UTP20: variants seen among roughly 807,000 people sequenced by gnomAD.
UTP20 encodes the protein UTP20 small subunit processome component, also known as small subunit processome component 20 homolog.
A neutral mutation model predicts 329.5 loss-of-function variants in UTP20; 164 were observed. That is an observed-to-expected ratio of 0.50 (90% CI 0.44 to 0.57). The LOEUF (loss-of-function observed/expected upper bound fraction) is 0.57. Among genes scored for constraint, UTP20 ranks in the 20% least tolerant of loss-of-function variants. UTP20 has a pLI of 0.00. For missense variants in UTP20, 3,055 were observed against 3,284.2 expected (o/e 0.93, Z 1.71); for synonymous variants, 1,151 against 1,159.3 (o/e 0.99, Z 0.14).
Position 101,291,788 on chromosome 12 carries a change from G to A in UTP20, c.938G>A (p.Cys313Tyr). 6.2e-7 allele frequency: 1 copy of A among 1,607,028 alleles called. No individual in the cohort carries two copies. Among genetic ancestry groups the A allele is most frequent in the Non-Finnish European group, 8.5e-7 (1 of 1,177,730 alleles). Reference sequence around the variant, plus strand: ...ACAAAAGTAACAAAAACTAACTGTTGTGAAAGTTCTGAACAGATTAAAAGG... The same window carrying A: ...ACAAAAGTAACAAAAACTAACTGTTATGAAAGTTCTGAACAGATTAAAAGG... ...LHTKVTKTNC[C>Y]ESSEQIKRLL... Residue 313 changes from cysteine to tyrosine, a missense_variant, in exon 9 of 62, where the codon TGT becomes TAT. Transcript: ENST00000261637.
chr12:101,336,012 T>C (rs1047634274), intron 29 of UTP20, among the ~76,000 whole-genome samples: 1 of 152,226 alleles, frequency 6.6e-6, no homozygotes, highest in African/African-American at 2.4e-5. Flanking sequence ...TTTATATTCA[T>C]TGGGTCCTTA....
intron 43 of UTP20, among the ~76,000 whole-genome samples, chr12:101,357,907 C>G (rs1593447410): frequency 2.0e-5 from 3 of 152,184 alleles, no homozygotes; most frequent in Admixed American, 2.0e-4. Flanking sequence ...GGTCCTACAC[C>G]TGACCCTACA....
intron 25 of UTP20, among the ~76,000 whole-genome samples, chr12:101,325,979 A>AT (rs955046450): frequency 7.2e-5 from 11 of 152,348 alleles, no homozygotes; most frequent in Admixed American, 5.9e-4. Flanking sequence ...ATGTGTCAAC[A>AT]TTTGACATTT....
Position 101,321,634 on chromosome 12 carries a change from T to G in UTP20, c.3041+5T>G. ...TCTATTTCCTATTCTGATGAGGTAT[T>G]TATGCTGTTCAAACACTGATTTTTA... On this transcript the variant is annotated splice_donor_5th_base_variant and intron_variant, in intron 25 of 61. Transcript: ENST00000261637. 6.2e-7 allele frequency: 1 copy of G among 1,612,622 alleles called. No homozygotes were observed. Among genetic ancestry groups the G allele is most frequent in the South Asian group, 1.1e-5 (1 of 91,020 alleles).
chr12:101,364,083 A>G (rs1156234752), intron 45 of UTP20, among the ~76,000 whole-genome samples: 7 of 152,140 alleles, frequency 4.6e-5, no homozygotes, highest in Non-Finnish European at 8.8e-5. Context: ...ATTTCCTTAT[A>G]TGTTATGTCC....
At chr12:101,345,506 CA>C in intron 36 of UTP20, 47 bp from the exon 37 acceptor site, 7 of 1,222,974 alleles carry the variant, frequency 5.7e-6, no homozygotes, top group Non-Finnish European at 6.6e-6. Flanking sequence ...ATATTAGAAA[CA>C]AATTCTTTTT....
At chr12:101,376,608 G>C (rs984871114) in intron 56 of UTP20, among the ~76,000 whole-genome samples, 2 of 151,960 alleles carry the variant, frequency 1.3e-5, no homozygotes, top group Non-Finnish European at 2.9e-5. Context: ...TTAATGAGTA[G>C]TGCCAAACTG....
At chr12:101,317,780 A>G (rs998857220) in intron 22 of UTP20, 117 bp downstream of exon 22, 2 of 1,140,942 alleles carry the variant, frequency 1.8e-6, no homozygotes, top group South Asian at 1.9e-5. Context: ...TAAGCGCTAC[A>G]TCTTCCTGGG....
At chr12:101,308,976 G>T (rs370164884) in intron 18 of UTP20, among the ~76,000 whole-genome samples, 1 of 151,748 alleles carries the variant, frequency 6.6e-6, no homozygotes, top group African/African-American at 2.4e-5. Context: ...CTCGTGATCC[G>T]CCCTCCTCGG....
At chr12:101,311,822 G>A in intron 20 of UTP20, 24 bp downstream of exon 20, 1 of 1,592,306 alleles carries the variant, frequency 6.3e-7, no homozygotes, top group Non-Finnish European at 8.5e-7. Context: ...TTGTGAGGAA[G>A]CTGCGAAGAA....
Position 101,321,424 on chromosome 12 carries a change from CTG to C in UTP20, c.2916-76_2916-75del, listed in dbSNP as rs1050112769. On this transcript the variant is annotated intron_variant, in intron 24 of 61. Transcript: ENST00000261637. ...TATATACCTTATTTTAGTTATTACT[CTG>C]TGTACATATTTCACTCTTTCATTAT... The C allele has an allele frequency of 5.5e-5, 87 of 1,570,256 alleles. No individual in the cohort carries two copies. In the African/African-American group the frequency reaches 1.1e-3, roughly 19 times the overall value.
intron 54 of UTP20, 55 bp downstream of exon 54, chr12:101,373,822 A>G (rs1870380691): frequency 6.4e-7 from 1 of 1,556,408 alleles, no homozygotes; most frequent in African/African-American, 1.4e-5. Context: ...TGGGGATCAT[A>G]GTTTAAGTAA....
At chr12:101,300,194 G>T (rs1872482446) in intron 14 of UTP20, 133 bp downstream of exon 14, 3 of 908,660 alleles carry the variant, frequency 3.3e-6, no homozygotes, top group Non-Finnish European at 5.1e-6. Context: ...AAATCTGGAA[G>T]AAATGAGGAT....
intron 55 of UTP20, 26 bp downstream of exon 55, chr12:101,374,965 C>G: frequency 1.3e-6 from 2 of 1,568,956 alleles, no homozygotes; most frequent in Admixed American, 1.7e-5. Context: ...GGGAATAAAA[C>G]TTTTCTAACT....
At chr12:101,377,402 C>T (rs1291047912) in intron 56 of UTP20, among the ~76,000 whole-genome samples, 1 of 152,078 alleles carries the variant, frequency 6.6e-6, no homozygotes, top group Non-Finnish European at 1.5e-5. Context: ...GCGATCTCAG[C>T]TCACTGCAAC....
rs544309687 is a variant in UTP20 at position 101,381,812 on chromosome 12, AG to A, written c.7656+602del. Among the ~76,000 whole-genome samples the A allele has an allele frequency of 6.1e-3, 935 of 152,188 alleles. 11 individuals carry two copies. The highest frequency in any genetic ancestry group is 0.021 in the African/African-American group (874 of 41,544). ...GGCAGGTGCATCACTTGAGGCCAGGAGTTCAAGACCATCTTGGCCAATATGG... is the reference window on the plus strand; with the variant it reads ...GGCAGGTGCATCACTTGAGGCCAGGATTCAAGACCATCTTGGCCAATATGG... On this transcript the variant is annotated intron_variant, in intron 58 of 61. Coordinates refer to ENST00000261637, the MANE Select transcript of UTP20 (RefSeq NM_014503.3).
At chr12:101,345,754 C>A (rs1269097482) in intron 37 of UTP20, 60 bp downstream of exon 37, 44 of 1,436,470 alleles carry the variant, frequency 3.1e-5, no homozygotes, top group Non-Finnish European at 3.9e-5. Context: ...TCAAACAGTT[C>A]TACCTCATTT....
In UTP20 at chr12:101,383,110, A is replaced by C; in HGVS notation, c.7726A>C (p.Ser2576Arg). 2 of 1,613,940 alleles carry C rather than the reference A, an allele frequency of 1.2e-6. No homozygotes were observed. Among genetic ancestry groups the C allele is most frequent in the Non-Finnish European group, 1.7e-6 (2 of 1,179,920 alleles). The change falls in exon 59 of 62, where the codon AGT (serine) becomes CGT (arginine). Residue 2576 changes from serine (S) to arginine (R), a missense_variant. This residue lies in a region of UTP20 where 337 missense variants were observed against 345.5 expected (regional missense o/e 0.98). Transcript: ENST00000261637. ...GGAACTTTATTGTGAGGATAAGCAA[A>C]GTAAGATAAAAGAAGACCTGGAAGA... ...LLELYCEDKQ[S>R]KIKEDLEEQE... is the part of the protein sequence containing the mutation.
chr12:101,356,147 A>G (rs1869714135), intron 41 of UTP20, among the ~76,000 whole-genome samples: 2 of 152,146 alleles, frequency 1.3e-5, no homozygotes, highest in Non-Finnish European at 2.9e-5. Flanking sequence ...TCTTTTTGAG[A>G]TGGACTTTCC....
Sources: gnomAD v4.1 joint callset for allele counts (sites outside exome capture counted in the v4.1 genomes callset) on GRCh38, gnomAD v4.1.1 for gene constraint, gnomAD v4.1.1 regional missense constraint, MANE v1.5 for transcripts, NCBI Gene and HGNC (gene_info 2026-07-23, HGNC 2026-07-21) for gene names.